Variants in GATAD2B observed in about 807,000 individuals in gnomAD.
GATAD2B encodes the protein transcriptional repressor p66-beta.
In GATAD2B, 8 loss-of-function variants were observed where a neutral mutation model predicts 64.3. The observed-to-expected ratio is 0.12, with a 90% confidence interval of 0.07 to 0.22. The LOEUF (loss-of-function observed/expected upper bound fraction) is 0.22. Ranked by LOEUF, GATAD2B falls within the 10% of genes least tolerant of loss-of-function variation. GATAD2B has a pLI of 1.00. For missense variants in GATAD2B, 453 were observed against 752.0 expected (o/e 0.60, Z 4.65); for synonymous variants, 281 against 271.3 (o/e 1.04, Z -0.35).
intron 1 of GATAD2B, among the ~76,000 whole-genome samples, chr1:153,884,682 G>C (rs559217665): frequency 6.6e-6 from 1 of 152,138 alleles, no homozygotes. Context: ...ATTATCTAAA[G>C]TTAAGAAAAA....
At chr1:153,837,796 T>A (rs1434494833) in intron 1 of GATAD2B, among the ~76,000 whole-genome samples, 1 of 152,202 alleles carries the variant, frequency 6.6e-6, no homozygotes, top group Non-Finnish European at 1.5e-5. Flanking sequence ...TGAAAACTTA[T>A]CACATAAATA....
At chr1:153,839,082 C>T (rs1383893831) in intron 1 of GATAD2B, among the ~76,000 whole-genome samples, 1 of 124,518 alleles carries the variant, frequency 8.0e-6, no homozygotes, top group Non-Finnish European at 1.6e-5. Context: ...TCACTCCAGC[C>T]TGGGTGACAG....
intron 10 of GATAD2B, among the ~76,000 whole-genome samples, chr1:153,810,945 A>G (rs1054243149): frequency 3.3e-5 from 5 of 151,874 alleles, no homozygotes; most frequent in Non-Finnish European, 7.4e-5. Context: ...TTGTATTTTC[A>G]GTAGAGATGG....
chr1:153,846,482 C>T (rs1472997046), intron 1 of GATAD2B, among the ~76,000 whole-genome samples: 1 of 151,876 alleles, frequency 6.6e-6, no homozygotes, highest in Non-Finnish European at 1.5e-5. Flanking sequence ...AAGTGATCCT[C>T]CCATCTCAGC....
chr1:153,865,831 G>T (rs1480480760), intron 1 of GATAD2B, among the ~76,000 whole-genome samples: 1 of 152,062 alleles, frequency 6.6e-6, no homozygotes. Context: ...TTAAACCTTA[G>T]AACGGTCTCA....
chr1:153,903,889 T>C (rs1209281949), intron 1 of GATAD2B, among the ~76,000 whole-genome samples: 1 of 152,104 alleles, frequency 6.6e-6, no homozygotes, highest in Non-Finnish European at 1.5e-5. Context: ...GAGGTTAAAG[T>C]GGTACAATCA....
chr1:153,816,460 A>G lies in GATAD2B; in HGVS notation c.1029T>C (p.Thr343=), dbSNP rs1017584841. 9 of 1,614,060 alleles carry G rather than the reference A, an allele frequency of 5.6e-6. No individual in the cohort carries two copies. In the African/African-American group the frequency reaches 1.2e-4, roughly 22 times the overall value. The change falls in exon 7 of 11, where the codon ACT becomes ACC. Residue 343 remains threonine (T), a synonymous_variant. Transcript: ENST00000368655. This position sits in a 1 kb window ranked among gnomAD's most constrained non-coding sequence, Gnocchi z 4.9. The stretch of plus-strand genomic sequence containing the variant: ...CTGCAGCCTGTGAGTTGGCAGCATC[A>G]GTCATGGCGCTGGGGCTAGGAAGTG... ...SSPLPSPSAM[T]DAANSQAAAK...
At chr1:153,850,674 C>T (rs999747762) in intron 1 of GATAD2B, among the ~76,000 whole-genome samples, 1 of 152,032 alleles carries the variant, frequency 6.6e-6, no homozygotes, top group African/African-American at 2.4e-5. Context: ...AATCCCAGCA[C>T]TTTGGGAGGC....
At chr1:153,821,938 G>A (rs775325911) in intron 2 of GATAD2B, among the ~76,000 whole-genome samples, 4 of 151,720 alleles carry the variant, frequency 2.6e-5, no homozygotes, top group Non-Finnish European at 4.4e-5. Flanking sequence ...TGATTAACAT[G>A]GGTCATTTTG....
chr1:153,808,754 C>T lies in GATAD2B; in HGVS notation c.*1423G>A, dbSNP rs1026336545. On this transcript the variant is annotated 3_prime_UTR_variant, in exon 11 of 11. Coordinates refer to ENST00000368655, the MANE Select transcript of GATAD2B (RefSeq NM_020699.4). Reference sequence around the variant, plus strand: ...ATGCTAATCTCCCCAGTCCCCAGAACAGCAACATTGCACAATTCAATTCAT... The same window carrying T: ...ATGCTAATCTCCCCAGTCCCCAGAATAGCAACATTGCACAATTCAATTCAT... 2 of 129,270 alleles carry T rather than the reference C, an allele frequency of 1.5e-5. No homozygotes were observed. The highest frequency in any genetic ancestry group is 3.1e-5 in the Non-Finnish European group (2 of 63,914). 8.0% of individuals were successfully genotyped at this position (129,270 alleles called of 1,614,324 possible). A position where few individuals can be genotyped will look rare whatever the true frequency, so the allele number is the denominator to read the frequency against.
At chr1:153,841,148 A>C (rs1675479406) in intron 1 of GATAD2B, among the ~76,000 whole-genome samples, 1 of 151,862 alleles carries the variant, frequency 6.6e-6, no homozygotes, top group Non-Finnish European at 1.5e-5. Context: ...AAAAGAAAAA[A>C]AGAAAAAAAA....
At chr1:153,817,297 C>T in intron 6 of GATAD2B, 75 bp downstream of exon 6, 1 of 1,393,360 alleles carries the variant, frequency 7.2e-7, no homozygotes, top group East Asian at 2.4e-5. Context: ...AAACTTAAAA[C>T]CTATGGCCCT....
chr1:153,912,134 A>C (rs879297324), intron 1 of GATAD2B, among the ~76,000 whole-genome samples: 3 of 152,232 alleles, frequency 2.0e-5, no homozygotes, highest in Admixed American at 2.0e-4. Flanking sequence ...ACAGTATAAT[A>C]TTAGGTAGAT....
At chr1:153,847,639 T>C (rs1020112543) in intron 1 of GATAD2B, among the ~76,000 whole-genome samples, 4 of 152,130 alleles carry the variant, frequency 2.6e-5, no homozygotes, top group African/African-American at 9.7e-5. Flanking sequence ...ATTTTTTTTT[T>C]CCTTGAAGAT....
At chr1:153,830,697 G>A (rs1339077336) in intron 1 of GATAD2B, among the ~76,000 whole-genome samples, 1 of 148,090 alleles carries the variant, frequency 6.8e-6, no homozygotes, top group Non-Finnish European at 1.5e-5. Flanking sequence ...GGATGGTCTC[G>A]ATCTCCTGAC....
At chr1:153,922,454 A>C (rs541378618) in intron 1 of GATAD2B, among the ~76,000 whole-genome samples, 15 of 145,836 alleles carry the variant, frequency 1.0e-4, no homozygotes, top group Admixed American at 6.1e-4. Context: ...CGCGAGGCCG[A>C]AGTGAAAGAC....
chr1:153,866,194 C>A, intron 1 of GATAD2B, among the ~76,000 whole-genome samples: 1 of 99,842 alleles, frequency 1.0e-5, no homozygotes, highest in African/African-American at 3.8e-5. Flanking sequence ...CAGAGTGACA[C>A]TAGGTCTCAA....
intron 1 of GATAD2B, among the ~76,000 whole-genome samples, chr1:153,901,888 A>G (rs1677787366): frequency 6.7e-6 from 1 of 150,184 alleles, no homozygotes; most frequent in Admixed American, 6.7e-5. Flanking sequence ...CTACAGCCAT[A>G]CCACCCTGAA....
intron 1 of GATAD2B, among the ~76,000 whole-genome samples, chr1:153,895,282 C>A (rs142905553): frequency 0.02 from 3,055 of 150,286 alleles, 110 homozygotes; most frequent in African/African-American, 0.071. Flanking sequence ...TGCAGTGAGC[C>A]AAGATCGCGC....
Sources: allele counts gnomAD v4.1 joint callset (sites outside exome capture counted in the v4.1 genomes callset), GRCh38; gene constraint gnomAD v4.1.1; non-coding constraint Gnocchi (gnomAD v3.1); transcripts MANE v1.5; gene names NCBI Gene and HGNC (gene_info 2026-07-23, HGNC 2026-07-21).